Variants in SCN8A observed in about 807,000 individuals in gnomAD.
SCN8A encodes sodium channel protein type 8 subunit alpha.
SCN8A carries 30 observed loss-of-function variants against 184.1 expected under a neutral mutation model. The ratio of observed to expected loss-of-function variants is 0.16; its 90% CI spans 0.12 to 0.22. The LOEUF is 0.22. Among genes scored for constraint, SCN8A ranks in the 10% least tolerant of loss-of-function variants. SCN8A has a pLI of 1.00. For missense variants in SCN8A, 1,057 were observed against 2,498.9 expected, an observed-to-expected ratio of 0.42 and a Z score of 12.30; for synonymous variants, 852 against 907.0, an observed-to-expected ratio of 0.94 and a Z score of 1.09.
At chr12:51,767,562 A>G (rs1942857660) in intron 16 of SCN8A, among the ~76,000 whole-genome samples, 1 of 152,224 alleles carries the variant, frequency 6.6e-6, no homozygotes, top group African/African-American at 2.4e-5. Flanking sequence ...TAATTCATTC[A>G]GTACTTTATA....
intron 1 of SCN8A, among the ~76,000 whole-genome samples, chr12:51,592,429 A>C (rs191896319): frequency 6.6e-6 from 1 of 152,148 alleles, no homozygotes; most frequent in East Asian, 1.9e-4. Context: ...CAAACCATGC[A>C]TTCCATCCGA....
At position 51,780,260 on chromosome 12, in the gene SCN8A, T is replaced by G. The variant is rs561836681; in HGVS notation, c.3820-389T>G. The G allele has an allele frequency of 2.8e-3, 1,283 of 456,470 alleles. 8 individuals carry two copies. The highest frequency in any genetic ancestry group is 5.7e-3 in the Middle Eastern group (17 of 2,994). 28.3% of individuals were successfully genotyped at this position (456,470 alleles called of 1,614,324 possible). ...GGACTTCTGGGACCTGCAGAGACTG[T>G]AAAGGGCGAGGGTAAGGCTCTTGTC... is the stretch of plus-strand genomic sequence containing the variant. On this transcript the variant is annotated intron_variant, in intron 20 of 26. Transcript: ENST00000627620.
intron 2 of SCN8A, among the ~76,000 whole-genome samples, chr12:51,673,151 AAAG>A (rs1208703884): frequency 1.9e-4 from 29 of 152,208 alleles, no homozygotes; most frequent in African/African-American, 6.3e-4. Context: ...TTTGGGGAAA[AAAG>A]CACATCTGTA....
chr12:51,677,313 C>G (rs1206601478), intron 2 of SCN8A, among the ~76,000 whole-genome samples: 1 of 151,966 alleles, frequency 6.6e-6, no homozygotes, highest in Non-Finnish European at 1.5e-5. Flanking sequence ...ATCTCGAACT[C>G]CTGGGCTCAA....
rs1939211278 is a variant in SCN8A at position 51,591,343 on chromosome 12, TCGC to T, written c.-61_-59del. 1 of 155,530 alleles carries T rather than the reference TCGC, an allele frequency of 6.4e-6. No homozygotes were observed. The allele number at this position is 155,530 out of a possible 1,614,324, so 9.6% of individuals were successfully genotyped here. A position where few individuals can be genotyped will look rare whatever the true frequency, so the allele number is the denominator to read the frequency against. On this transcript the variant is annotated 5_prime_UTR_variant, in exon 1 of 27. Transcript: ENST00000627620. ...CGCGTTAGGGCCGCCGCTGCCTCCC[TCGC>T]CGCCGCCGCTGCCGTAAGTCGCCCC...
In SCN8A at chr12:51,770,591, T is replaced by A; in HGVS notation, c.3553T>A (p.Trp1185Arg). The change falls in exon 19 of 27, where the codon TGG becomes AGG. Residue 1185 changes from tryptophan (W) to arginine (R), a missense_variant. This residue lies in a region of SCN8A where 178 missense variants were observed against 259.6 expected (regional missense o/e 0.69). Transcript: ENST00000627620. The stretch of plus-strand genomic sequence containing the variant: ...CGAGGAAGGGCTAGGCAAGTCTTGG[T>A]GGATCCTGCGGAAAACCTGCTTCCT... ...NIEEGLGKSW[W>R]ILRKTCFLIV... is the part of the protein sequence containing the mutation. 6.2e-7 allele frequency: 1 copy of A among 1,614,012 alleles called. No individual in the cohort carries two copies. The highest frequency in any genetic ancestry group is 8.5e-7 in the Non-Finnish European group (1 of 1,179,934).
intron 14 of SCN8A, among the ~76,000 whole-genome samples, chr12:51,753,694 A>G (rs1942630209): frequency 6.6e-6 from 1 of 152,242 alleles, no homozygotes; most frequent in Admixed American, 6.5e-5. Flanking sequence ...GAAATGTTTC[A>G]CATCTGTAAA....
chr12:51,653,044 G>A (rs891648421), intron 1 of SCN8A, among the ~76,000 whole-genome samples: 3 of 152,152 alleles, frequency 2.0e-5, no homozygotes, highest in African/African-American at 7.2e-5. Flanking sequence ...ACTGGGCCAA[G>A]CGAGGTGGCT....
intron 1 of SCN8A, 79 bp from the exon 2 acceptor site, chr12:51,662,685 T>C (rs1592363159): frequency 1.2e-6 from 1 of 846,828 alleles, no homozygotes; most frequent in East Asian, 2.5e-5. Context: ...TGAATTAAGG[T>C]TGAGAGTGAG....
intron 11 of SCN8A, among the ~76,000 whole-genome samples, chr12:51,716,104 C>T (rs928054420): frequency 1.3e-5 from 2 of 152,128 alleles, no homozygotes; most frequent in African/African-American, 4.8e-5. Flanking sequence ...GAGGCCAAGG[C>T]GGGAGGATTG....
intron 11 of SCN8A, among the ~76,000 whole-genome samples, chr12:51,716,905 A>G (rs1415797907): frequency 6.6e-6 from 1 of 152,154 alleles, no homozygotes; most frequent in African/African-American, 2.4e-5. Context: ...CACTAAGCCA[A>G]TATTTCCCTT....
chr12:51,722,189 G>A, intron 12 of SCN8A: 1 of 551,354 alleles, frequency 1.8e-6, no homozygotes, highest in African/African-American at 1.9e-5. Context: ...CCTTGTTTCT[G>A]ACATTCCTTC....
intron 18 of SCN8A, 46 bp downstream of exon 18, chr12:51,770,031 T>C (rs1942900629): frequency 7.6e-7 from 1 of 1,323,410 alleles, no homozygotes; most frequent in Non-Finnish European, 1.1e-6. Flanking sequence ...CTCGTGTTGC[T>C]CACAGACACA....
At chr12:51,626,429 T>A (rs1184444839) in intron 1 of SCN8A, among the ~76,000 whole-genome samples, 1 of 152,236 alleles carries the variant, frequency 6.6e-6, no homozygotes, top group African/African-American at 2.4e-5. Context: ...TCTCCGTACC[T>A]ACCAGTTGAA....
At chr12:51,756,195 C>T (rs1486785264) in intron 14 of SCN8A, among the ~76,000 whole-genome samples, 1 of 152,156 alleles carries the variant, frequency 6.6e-6, no homozygotes, top group Non-Finnish European at 1.5e-5. Context: ...CCCCTCGTCA[C>T]CCTGCTCATG....
At chr12:51,798,791 A>C (rs1938480503) in intron 26 of SCN8A, among the ~76,000 whole-genome samples, 1 of 152,184 alleles carries the variant, frequency 6.6e-6, no homozygotes, top group Admixed American at 6.5e-5. Flanking sequence ...AAATATCTTC[A>C]CAGTTTTTGA....
chr12:51,627,632 C>T (rs534787939), intron 1 of SCN8A, among the ~76,000 whole-genome samples: 17 of 152,292 alleles, frequency 1.1e-4, no homozygotes, highest in Admixed American at 5.9e-4. Context: ...CCCCCAGCCT[C>T]GGCTTCCCAA....
intron 26 of SCN8A, among the ~76,000 whole-genome samples, chr12:51,796,457 A>AATT (rs1405116011): frequency 6.6e-6 from 1 of 152,248 alleles, no homozygotes; most frequent in Non-Finnish European, 1.5e-5. Context: ...TGGTACTCTA[A>AATT]AAAGAGGAAG....
At chr12:51,676,441 T>C (rs1161006171) in intron 2 of SCN8A, among the ~76,000 whole-genome samples, 1 of 152,230 alleles carries the variant, frequency 6.6e-6, no homozygotes, top group Non-Finnish European at 1.5e-5. Flanking sequence ...CTGCATTATA[T>C]TTTCCGTTAT....
Sources: gnomAD v4.1 joint callset for allele counts (sites outside exome capture counted in the v4.1 genomes callset) on GRCh38, gnomAD v4.1.1 for gene constraint, gnomAD v4.1.1 regional missense constraint, MANE v1.5 for transcripts, NCBI Gene and HGNC (gene_info 2026-07-23, HGNC 2026-07-21) for gene names.